Variants in VGLL3 observed in about 807,000 individuals in gnomAD.
The protein encoded by VGLL3 is vestigial like family member 3, also known as transcription cofactor vestigial-like protein 3.
Under a neutral mutation model 29.2 loss-of-function variants are expected in VGLL3, and 18 were observed. That is an observed-to-expected ratio of 0.62 (90% CI 0.43 to 0.91). VGLL3 has a LOEUF of 0.91. Ranked by LOEUF, VGLL3 falls within the 40% of genes least tolerant of loss-of-function variation. VGLL3 has a pLI of 0.00. For missense variants in VGLL3, 440 were observed against 413.2 expected (o/e 1.06, Z -0.56); for synonymous variants, 180 against 151.8 (o/e 1.19, Z -1.36).
At chr3:86,949,659 C>G (rs1052322982) in intron 3 of VGLL3, among the ~76,000 whole-genome samples, 1 of 151,380 alleles carries the variant, frequency 6.6e-6, no homozygotes, top group African/African-American at 2.4e-5. Context: ...ACCCTGTCTC[C>G]ACTAAAAACA....
intron 3 of VGLL3, among the ~76,000 whole-genome samples, chr3:86,949,878 A>AT (rs1704583114): frequency 2.0e-5 from 3 of 152,186 alleles, no homozygotes; most frequent in South Asian, 4.1e-4. Context: ...CAGGGCTACA[A>AT]TTTTTTCTTA....
chr3:86,951,400 A>G (rs1381545218), intron 3 of VGLL3, among the ~76,000 whole-genome samples: 1 of 152,142 alleles, frequency 6.6e-6, no homozygotes, highest in Non-Finnish European at 1.5e-5. Context: ...GATCTCTTTT[A>G]TAAGGGCATT....
chr3:86,964,158 A>G (rs1330230229), intron 3 of VGLL3, among the ~76,000 whole-genome samples: 1 of 152,222 alleles, frequency 6.6e-6, no homozygotes, highest in Non-Finnish European at 1.5e-5. Context: ...ATAAAACTCA[A>G]ATTTCAGCAC....
At chr3:86,980,898 G>A (rs1705312596) in intron 1 of VGLL3, among the ~76,000 whole-genome samples, 1 of 151,380 alleles carries the variant, frequency 6.6e-6, no homozygotes, top group Non-Finnish European at 1.5e-5. Flanking sequence ...GTCCACAAGT[G>A]TTCATTCTTA....
chr3:86,955,306 A>G (rs1393778993), intron 3 of VGLL3, among the ~76,000 whole-genome samples: 7 of 152,068 alleles, frequency 4.6e-5, no homozygotes, highest in African/African-American at 7.2e-5. Flanking sequence ...AAAGCATTCC[A>G]TTAGAATGAG....
At position 86,978,752 on chromosome 3, in the gene VGLL3, A is replaced by G. The variant is rs371081773; in HGVS notation, c.177T>C (p.Leu59=). The part of the protein sequence containing the change: ...SKMQDSLEVT[L]PSKQEEEDEE... The stretch of plus-strand genomic sequence containing the variant: ...CATCCTCCTCCTCTTGTTTGCTGGG[A>G]AGGGTGACTTCCAGAGAGTCCTGCA... Residue 59 remains leucine, a synonymous_variant, in exon 2 of 4, where the codon CTT becomes CTC. Transcript: ENST00000398399. 405 of 1,613,660 alleles carry G rather than the reference A, an allele frequency of 2.5e-4. 1 individual carries two copies. Among genetic ancestry groups the G allele is most frequent in the Non-Finnish European group, 3.4e-4 (399 of 1,179,866 alleles).
intron 3 of VGLL3, among the ~76,000 whole-genome samples, chr3:86,950,851 T>G (rs111460126): frequency 6.6e-6 from 1 of 152,144 alleles, no homozygotes; most frequent in African/African-American, 2.4e-5. Flanking sequence ...TTTAAAAACA[T>G]AGGGTGGTCA....
intron 3 of VGLL3, 103 bp downstream of exon 3, chr3:86,968,487 A>G: frequency 1.5e-6 from 2 of 1,332,542 alleles, no homozygotes; most frequent in Non-Finnish European, 2.0e-6. Context: ...ATGTTGGTAA[A>G]GTTTAACTTT....
Position 86,942,080 on chromosome 3 carries a change from C to A in VGLL3, c.*4944G>T, listed in dbSNP as rs538575233. 1.3e-5 allele frequency: 2 copies of A among 152,018 alleles called. No individual in the cohort carries two copies. Among genetic ancestry groups the A allele is most frequent in the Admixed American group, 1.3e-4 (2 of 15,250 alleles). 9.4% of individuals were successfully genotyped at this position (152,018 alleles called of 1,614,324 possible). A position where few individuals can be genotyped will look rare whatever the true frequency, so the allele number is the denominator to read the frequency against. On this transcript the variant is annotated 3_prime_UTR_variant, in exon 4 of 4. Transcript: ENST00000398399. ...ATGCTTTAATAATAGATTTAAAGGG[C>A]ACTTTGGCCTTTAAATATTTTCAGA...
intron 2 of VGLL3, among the ~76,000 whole-genome samples, chr3:86,974,522 A>G (rs182634841): frequency 1.0e-3 from 159 of 152,286 alleles, no homozygotes; most frequent in Middle Eastern, 3.4e-3. Flanking sequence ...AGTAAAATAC[A>G]TATACTTCCT....
intron 3 of VGLL3, among the ~76,000 whole-genome samples, chr3:86,947,784 A>T (rs1704536278): frequency 6.6e-6 from 1 of 152,076 alleles, no homozygotes; most frequent in Admixed American, 6.6e-5. Flanking sequence ...GATTAATAGG[A>T]CATAGATTAA....
In VGLL3 at chr3:86,939,295, T is replaced by G. The variant is rs931370840; in HGVS notation, c.*7729A>C. ...TCCTAATCCCCAGAACCATTGAATA[T>G]GTTACTGTACATGGAAAAAGGGCCT... On this transcript the variant is annotated 3_prime_UTR_variant, in exon 4 of 4. Coordinates refer to ENST00000398399, the MANE Select transcript of VGLL3 (RefSeq NM_016206.4). The G allele has an allele frequency of 1.3e-5, 2 of 152,170 alleles. No homozygotes were observed. Among genetic ancestry groups the G allele is most frequent in the African/African-American group, 4.8e-5 (2 of 41,422 alleles). 9.4% of individuals were successfully genotyped at this position (152,170 alleles called of 1,614,324 possible).
At chr3:86,964,487 T>C (rs1053426032) in intron 3 of VGLL3, among the ~76,000 whole-genome samples, 2 of 152,176 alleles carry the variant, frequency 1.3e-5, no homozygotes, top group Non-Finnish European at 2.9e-5. Context: ...TTATTTGCAA[T>C]GAATTGAATG....
rs963005192 is a variant in VGLL3, at chr3:86,945,634, A to T, written c.*1390T>A. 12 of 152,162 alleles carry T rather than the reference A, an allele frequency of 7.9e-5. No individual in the cohort carries two copies. Among genetic ancestry groups the T allele is most frequent in the Admixed American group, 6.5e-5 (1 of 15,272 alleles). The allele number at this position is 152,162 out of a possible 1,614,324, so 9.4% of individuals were successfully genotyped here. A position where few individuals can be genotyped will look rare whatever the true frequency, so the allele number is the denominator to read the frequency against. On this transcript the variant is annotated 3_prime_UTR_variant, in exon 4 of 4. Coordinates refer to ENST00000398399, the MANE Select transcript of VGLL3 (RefSeq NM_016206.4). ...ATTTAAACTTTATTTAGATCCTGAGAGCTATATCAAGTTAAATCCTCAAAT... is the reference window on the plus strand; with the variant it reads ...ATTTAAACTTTATTTAGATCCTGAGTGCTATATCAAGTTAAATCCTCAAAT...
At chr3:86,948,717 A>G (rs1396877952) in intron 3 of VGLL3, among the ~76,000 whole-genome samples, 2 of 152,276 alleles carry the variant, frequency 1.3e-5, no homozygotes, top group South Asian at 2.1e-4. Flanking sequence ...TTTTCTTTTT[A>G]CCACAAGCAT....
intron 2 of VGLL3, among the ~76,000 whole-genome samples, chr3:86,973,648 C>CT (rs1290489829): frequency 6.6e-6 from 1 of 152,162 alleles, no homozygotes; most frequent in Non-Finnish European, 1.5e-5. Context: ...TCACGCCTCA[C>CT]TTTTTTCCCC....
rs1409855379 is a variant in VGLL3 at position 86,946,412 on chromosome 3, A to T, written c.*612T>A. On this transcript the variant is annotated 3_prime_UTR_variant, in exon 4 of 4. Transcript: ENST00000398399. The stretch of plus-strand genomic sequence containing the variant: ...TGACTACGGTATAGCTACTTTTGTA[A>T]GAAGGAAAAAAACAAAACATTTGAG... 6.6e-6 allele frequency: 1 copy of T among 152,204 alleles called. No homozygotes were observed. Among genetic ancestry groups the T allele is most frequent in the African/African-American group, 2.4e-5 (1 of 41,464 alleles). 9.4% of individuals were successfully genotyped at this position (152,204 alleles called of 1,614,324 possible). A position where few individuals can be genotyped will look rare whatever the true frequency, so the allele number is the denominator to read the frequency against.
At chr3:86,984,616 T>C (rs1362573050) in intron 1 of VGLL3, among the ~76,000 whole-genome samples, 1 of 152,178 alleles carries the variant, frequency 6.6e-6, no homozygotes, top group Non-Finnish European at 1.5e-5. Context: ...TTCTAGTTAG[T>C]TTGTATAATT....
intron 3 of VGLL3, among the ~76,000 whole-genome samples, chr3:86,963,247 T>A (rs1704893822): frequency 1.3e-5 from 2 of 152,174 alleles, no homozygotes; most frequent in East Asian, 1.9e-4. Context: ...AATGAAATCG[T>A]ACCTAGCCCC....
Sources: allele counts gnomAD v4.1 joint callset (sites outside exome capture counted in the v4.1 genomes callset), GRCh38; gene constraint gnomAD v4.1.1; transcripts MANE v1.5; gene names NCBI Gene and HGNC (gene_info 2026-07-23, HGNC 2026-07-21).